The following LRMDA variants were observed in gnomAD, a reference collection of about 807,000 sequenced individuals.
LRMDA encodes leucine-rich melanocyte differentiation-associated protein.
In LRMDA, 18 loss-of-function variants were observed where a neutral mutation model predicts 29.8. The observed-to-expected ratio is 0.60, with a 90% CI of 0.42 to 0.90. The LOEUF is 0.90. LRMDA is among the 40% of genes least tolerant of loss of function. The pLI, the probability that LRMDA is intolerant of heterozygous loss-of-function variation, is 0.00. For synonymous variants in LRMDA, 125 were observed against 109.4 expected (o/e 1.14, Z -0.89); for missense variants, 273 against 273.9 (o/e 1.00, Z 0.02).
At chr10:75,973,137 C>G (rs2132440984) in intron 2 of LRMDA, among the ~76,000 whole-genome samples, 1 of 152,332 alleles carries the variant, frequency 6.6e-6, no homozygotes, top group African/African-American at 2.4e-5. Context: ...CCACTCTCCA[C>G]TCATTTTCCA....
rs1239446020 is a variant in LRMDA at position 76,497,399 on chromosome 10, G to T, written c.602-59810G>T. ...TGGAGGAGAGAAAGTACCACTCTTT[G>T]CACCCTTGTTTTCTTGTAGGACCCT... is the stretch of plus-strand genomic sequence containing the variant. On this transcript the variant is annotated intron_variant, in intron 6 of 6. Transcript: ENST00000611255. Among the ~76,000 whole-genome samples, 3 of 74,274 alleles carry T rather than the reference G, an allele frequency of 4.0e-5. 1 individual carries two copies. The highest frequency in any genetic ancestry group is 2.6e-4 in the East Asian group (1 of 3,914). The allele number at this position is 74,274 out of a possible 152,430, so 48.7% of individuals were successfully genotyped here.
chr10:75,581,621 A>T lies in LRMDA; in HGVS notation c.131+143127A>T, dbSNP rs374143426. On this transcript the variant is annotated intron_variant, in intron 2 of 6. Transcript: ENST00000611255. ...ACTATGCAGCCATAAAAAAAGGATG[A>T]GTTCATGTCCTTTGCAGGGACATGG... Among the ~76,000 whole-genome samples the T allele has an allele frequency of 2.6e-5, 4 of 152,262 alleles. No homozygotes were observed. The East Asian group carries it at 7.7e-4, about 29-fold the overall frequency.
intron 6 of LRMDA, among the ~76,000 whole-genome samples, chr10:76,428,200 T>C (rs1842150286): frequency 6.6e-6 from 1 of 152,196 alleles, no homozygotes. Flanking sequence ...TCTTTAGTGC[T>C]TTCTTCTACT....
At chr10:75,983,743 C>T (rs7903341) in intron 2 of LRMDA, among the ~76,000 whole-genome samples, 61,743 of 152,026 alleles carry the variant, frequency 0.41, 13,045 homozygotes, top group Middle Eastern at 0.45. Flanking sequence ...CAACCTCTGC[C>T]TCCCCAGTTC....
At chr10:76,092,877 T>A (rs1413201577) in intron 5 of LRMDA, among the ~76,000 whole-genome samples, 2 of 152,226 alleles carry the variant, frequency 1.3e-5, no homozygotes, top group Non-Finnish European at 2.9e-5. Context: ...TCCTTTCAAT[T>A]TATGCATTTT....
In LRMDA at chr10:75,985,598, G is replaced by A. The variant is rs113942912; in HGVS notation, c.132-50410G>A. On this transcript the variant is annotated intron_variant, in intron 2 of 6. Coordinates refer to ENST00000611255, the MANE Select transcript of LRMDA (RefSeq NM_001305581.2). ...GCAGTTCCACAAGATCCCAGACTGG[G>A]TCTTCCAGTCCCTGATTGGGCCACA... is the stretch of plus-strand genomic sequence containing the variant. 3.1e-3 allele frequency among the ~76,000 whole-genome samples: 476 copies of A among 152,304 alleles called. 4 individuals are homozygous for A. The highest frequency in any genetic ancestry group is 0.011 in the African/African-American group (459 of 41,572).
At chr10:75,521,290 G>C (rs1248056542) in intron 2 of LRMDA, among the ~76,000 whole-genome samples, 1 of 152,248 alleles carries the variant, frequency 6.6e-6, no homozygotes, top group Non-Finnish European at 1.5e-5. Context: ...GCTGCCTTTT[G>C]TTCAGCTATG....
intron 2 of LRMDA, among the ~76,000 whole-genome samples, chr10:75,855,124 A>T (rs1239368661): frequency 1.3e-5 from 2 of 152,160 alleles, no homozygotes; most frequent in African/African-American, 2.4e-5. Context: ...CTAGTTCTAG[A>T]TCCCTGAGGA....
At chr10:76,165,365 G>A (rs1029219035) in intron 5 of LRMDA, among the ~76,000 whole-genome samples, 1 of 151,214 alleles carries the variant, frequency 6.6e-6, no homozygotes, top group Admixed American at 6.6e-5. Context: ...CTCTGCCTTT[G>A]GGTTCAAGCA....
intron 5 of LRMDA, among the ~76,000 whole-genome samples, chr10:76,095,944 G>GAA (rs759972561): frequency 6.3e-5 from 8 of 127,924 alleles, no homozygotes; most frequent in Non-Finnish European, 8.4e-5. Flanking sequence ...CTCCGTCTCA[G>GAA]AAAAAAAAAA....
chr10:75,838,476 T>A (rs1251815102), intron 2 of LRMDA, among the ~76,000 whole-genome samples: 1 of 152,232 alleles, frequency 6.6e-6, no homozygotes, highest in Non-Finnish European at 1.5e-5. Flanking sequence ...ATTTTCATAT[T>A]TTTGCCAGCT....
chr10:75,611,689 A>G lies in LRMDA; in HGVS notation c.131+173195A>G, dbSNP rs150104782. On this transcript the variant is annotated intron_variant, in intron 2 of 6. Transcript: ENST00000611255. ...ACATGACTTTATCAGCAGCTAGCCC[A>G]TACAGTGCTTCTGGGAGAAGTAGAG... Among the ~76,000 whole-genome samples the G allele has an allele frequency of 4.3e-4, 65 of 152,308 alleles. No individual in the cohort carries two copies. In the East Asian group the frequency reaches 0.011, roughly 26 times the overall value.
At chr10:76,024,412 A>C (rs1262167233) in intron 2 of LRMDA, among the ~76,000 whole-genome samples, 1 of 152,234 alleles carries the variant, frequency 6.6e-6, no homozygotes, top group Non-Finnish European at 1.5e-5. Flanking sequence ...TTATTCTTTG[A>C]GAGGTTTTGT....
chr10:75,958,477 C>A (rs1846703113), intron 2 of LRMDA, among the ~76,000 whole-genome samples: 1 of 152,028 alleles, frequency 6.6e-6, no homozygotes, highest in African/African-American at 2.4e-5. Flanking sequence ...TTGGTTTTGG[C>A]ATATCATTTT....
At position 76,082,719 on chromosome 10, in the gene LRMDA, T is replaced by C. The variant is rs545956558; in HGVS notation, c.516+23936T>C. ...CAAACGTTAGTGGGATGTGGGGTTA[T>C]AGGAACCCTCATGCCCTACTGGTAG... On this transcript the variant is annotated intron_variant, in intron 5 of 6. Transcript: ENST00000611255. Among the ~76,000 whole-genome samples the C allele has an allele frequency of 2.0e-5, 3 of 152,290 alleles. No individual in the cohort carries two copies. In the East Asian group the frequency reaches 5.8e-4, roughly 29 times the overall value.
chr10:76,002,640 G>C (rs1045750164), intron 2 of LRMDA, among the ~76,000 whole-genome samples: 2 of 152,216 alleles, frequency 1.3e-5, no homozygotes, highest in African/African-American at 4.8e-5. Flanking sequence ...TTAATGAAAT[G>C]AAACAGCAGC....
chr10:76,188,961 C>CAA, intron 5 of LRMDA, among the ~76,000 whole-genome samples: 1 of 144,726 alleles, frequency 6.9e-6, no homozygotes, highest in East Asian at 1.9e-4. Context: ...CACACACACA[C>CAA]ACACACACAG....
intron 6 of LRMDA, among the ~76,000 whole-genome samples, chr10:76,325,007 T>TTGC (rs1304671710): frequency 2.6e-5 from 4 of 152,378 alleles, no homozygotes; most frequent in East Asian, 3.9e-4. Context: ...TTCCAAAGCC[T>TTGC]TGCATGTCTG....
At chr10:75,513,260 G>A (rs1224879019) in intron 2 of LRMDA, among the ~76,000 whole-genome samples, 1 of 152,116 alleles carries the variant, frequency 6.6e-6, no homozygotes, top group Non-Finnish European at 1.5e-5. Context: ...TCCATTACGT[G>A]CATGCTTGCT....
Sources: gnomAD v4.1 joint callset for allele counts (sites outside exome capture counted in the v4.1 genomes callset) on GRCh38, gnomAD v4.1.1 for gene constraint, MANE v1.5 for transcripts, NCBI Gene and HGNC (gene_info 2026-07-23, HGNC 2026-07-21) for gene names.